DNAH14: variants seen among roughly 807,000 people sequenced by gnomAD.
DNAH14 encodes axonemal beta dynein heavy chain 14.
Under a neutral mutation model 520.9 loss-of-function variants are expected in DNAH14, and 478 were observed. That is an observed-to-expected ratio of 0.92 (90% CI 0.85 to 0.99). The LOEUF is 0.99. Among genes scored for constraint, DNAH14 ranks in the 50% least tolerant of loss-of-function variants. DNAH14 has a pLI of 0.00. For synonymous variants in DNAH14, 1,581 were observed against 1,757.2 expected, an observed-to-expected ratio of 0.90 and a Z score of 2.51; for missense variants, 4,831 against 5,234.5, an observed-to-expected ratio of 0.92 and a Z score of 2.38.
chr1:225,304,872 G>T, intron 57 of DNAH14, 36 bp from the exon 58 acceptor site: 2 of 1,459,500 alleles, frequency 1.4e-6, no homozygotes, highest in Non-Finnish European at 1.8e-6. Context: ...TATTTGGATT[G>T]CTTTCTCTTA....
At chr1:225,058,518 G>T (rs1187559700) in intron 17 of DNAH14, among the ~76,000 whole-genome samples, 1 of 152,132 alleles carries the variant, frequency 6.6e-6, no homozygotes, top group Non-Finnish European at 1.5e-5. Flanking sequence ...GGTGTTTTGT[G>T]TCTCTATGTC....
intron 35 of DNAH14, among the ~76,000 whole-genome samples, chr1:225,160,618 A>G (rs140923623): frequency 3.3e-5 from 5 of 152,250 alleles, no homozygotes; most frequent in East Asian, 1.9e-4. Flanking sequence ...TCTAGTATCA[A>G]TTTTGTTAAA....
chr1:225,061,622 A>G (rs1445044865), intron 17 of DNAH14, among the ~76,000 whole-genome samples: 4 of 152,142 alleles, frequency 2.6e-5, no homozygotes, highest in African/African-American at 9.7e-5. Flanking sequence ...GGAGCTGTAG[A>G]CTGGAGCTGT....
At chr1:225,244,037 T>G (rs1338943443) in intron 43 of DNAH14, among the ~76,000 whole-genome samples, 1 of 152,174 alleles carries the variant, frequency 6.6e-6, no homozygotes, top group Non-Finnish European at 1.5e-5. Flanking sequence ...CCTAGTTTAT[T>G]GAGTGTTTTT....
chr1:224,992,252 T>G (rs1160396226), intron 8 of DNAH14, among the ~76,000 whole-genome samples: 1 of 152,154 alleles, frequency 6.6e-6, no homozygotes, highest in African/African-American at 2.4e-5. Context: ...AATTTTAAGA[T>G]TTTAAAAAAT....
intron 60 of DNAH14, among the ~76,000 whole-genome samples, chr1:225,310,177 GGTTTTGTTTT>G (rs890305401): frequency 1.3e-5 from 2 of 151,692 alleles, no homozygotes; most frequent in African/African-American, 2.4e-5. Context: ...TGTTTTGCAT[GGTTTTGTTTT>G]GTTTTGTTTT....
At chr1:225,004,178 C>G (rs78139584) in intron 9 of DNAH14, among the ~76,000 whole-genome samples, 8,009 of 152,112 alleles carry the variant, frequency 0.053, 321 homozygotes, top group Non-Finnish European at 0.078. Context: ...AAAAACAAAG[C>G]TTTGCTATTT....
chr1:225,174,416 A>G (rs867787065), intron 36 of DNAH14, among the ~76,000 whole-genome samples: 2 of 152,036 alleles, frequency 1.3e-5, no homozygotes, highest in Non-Finnish European at 2.9e-5. Context: ...CCTTCTAGGT[A>G]TTTCATATTT....
At chr1:225,250,480 C>T (rs1398114065) in intron 43 of DNAH14, among the ~76,000 whole-genome samples, 1 of 152,112 alleles carries the variant, frequency 6.6e-6, no homozygotes, top group East Asian at 1.9e-4. Context: ...TAAAGGAAAA[C>T]AAAGAAGAAT....
In DNAH14 at chr1:225,176,117, G is replaced by T. The variant is rs1460453401; in HGVS notation, c.5535+8089G>T. 2.0e-5 allele frequency among the ~76,000 whole-genome samples: 3 copies of T among 152,020 alleles called. No individual in the cohort carries two copies. In the South Asian group the frequency reaches 6.2e-4, roughly 32 times the overall value. ...CCAACTTCCTTCCTTCCTTGCTTTTGCTATATCCTATTGGTTTAGGTATGT... is the reference window on the plus strand; with the variant it reads ...CCAACTTCCTTCCTTCCTTGCTTTTTCTATATCCTATTGGTTTAGGTATGT... On this transcript the variant is annotated intron_variant, in intron 36 of 85. Transcript: ENST00000682510.
chr1:225,276,249 G>A (rs1327118660), intron 53 of DNAH14, among the ~76,000 whole-genome samples, 168 bp downstream of exon 53: 5 of 152,008 alleles, frequency 3.3e-5, no homozygotes, highest in African/African-American at 1.2e-4. Flanking sequence ...GAGAGATCAG[G>A]GGAAAATGCT....
chr1:225,379,586 G>A (rs939186901), intron 79 of DNAH14, among the ~76,000 whole-genome samples: 9 of 151,700 alleles, frequency 5.9e-5, no homozygotes, highest in African/African-American at 2.2e-4. Flanking sequence ...GGAGTGCAGT[G>A]GCATAATCTT....
chr1:224,970,717 C>G (rs2061456738), intron 7 of DNAH14, among the ~76,000 whole-genome samples: 1 of 152,074 alleles, frequency 6.6e-6, no homozygotes, highest in Non-Finnish European at 1.5e-5. Context: ...TGAATTTCCC[C>G]TGATAGGTTT....
chr1:225,260,295 T>A lies in DNAH14; in HGVS notation c.7157+1042T>A, dbSNP rs950055433. On this transcript the variant is annotated intron_variant, in intron 46 of 85. Coordinates refer to ENST00000682510, the MANE Select transcript of DNAH14 (RefSeq NM_001367479.1). ...TGAACTCAGGAGGTGGAGGTTGCAG[T>A]GAGCCAAGATTGCGCCATTGTACTC... is the stretch of plus-strand genomic sequence containing the variant. Among the ~76,000 whole-genome samples the A allele has an allele frequency of 3.3e-5, 5 of 149,340 alleles. No individual in the cohort carries two copies. In the East Asian group the frequency reaches 5.9e-4, roughly 18 times the overall value.
At chr1:225,089,991 T>C (rs2074235379) in intron 21 of DNAH14, among the ~76,000 whole-genome samples, 1 of 152,100 alleles carries the variant, frequency 6.6e-6, no homozygotes, top group South Asian at 2.1e-4. Context: ...ATAAAAAATG[T>C]CCAGATTGAA....
chr1:225,210,852 A>G (rs1291001357), intron 41 of DNAH14, among the ~76,000 whole-genome samples: 3 of 152,250 alleles, frequency 2.0e-5, no homozygotes, highest in African/African-American at 4.8e-5. Flanking sequence ...GCTGATACCC[A>G]GGCAAACAGG....
chr1:225,279,101 A>G (rs2093565802), intron 54 of DNAH14, among the ~76,000 whole-genome samples: 1 of 152,140 alleles, frequency 6.6e-6, no homozygotes, highest in Non-Finnish European at 1.5e-5. Flanking sequence ...GGTTCAAGCA[A>G]TTCTCCTACT....
At chr1:225,292,963 T>A (rs1390808773) in intron 55 of DNAH14, among the ~76,000 whole-genome samples, 1 of 152,028 alleles carries the variant, frequency 6.6e-6, no homozygotes, top group African/African-American at 2.4e-5. Context: ...CTGCATTCAT[T>A]TTTCAGTTCT....
intron 36 of DNAH14, among the ~76,000 whole-genome samples, chr1:225,184,508 TACTC>T (rs1193623262): frequency 1.3e-5 from 2 of 152,036 alleles, no homozygotes; most frequent in Non-Finnish European, 2.9e-5. Flanking sequence ...TAGTCCCACA[TACTC>T]AGGAGGCTGA....
Sources: allele counts gnomAD v4.1 joint callset (sites outside exome capture counted in the v4.1 genomes callset), GRCh38; gene constraint gnomAD v4.1.1; transcripts MANE v1.5; gene names NCBI Gene and HGNC (gene_info 2026-07-23, HGNC 2026-07-21).